Variants in HS6ST3 observed in about 807,000 individuals in gnomAD.
HS6ST3 encodes the protein heparan sulfate 6-O-sulfotransferase 3.
Under a neutral mutation model 36.7 loss-of-function variants are expected in HS6ST3, and 12 were observed. The observed-to-expected ratio is 0.33, with a 90% CI of 0.21 to 0.53. HS6ST3 has a LOEUF of 0.53. HS6ST3 is among the 20% of genes least tolerant of loss of function. The pLI is 0.95. For missense variants in HS6ST3, 584 were observed against 640.9 expected (o/e 0.91, Z 0.96); for synonymous variants, 240 against 257.5 (o/e 0.93, Z 0.65).
intron 1 of HS6ST3, among the ~76,000 whole-genome samples, chr13:96,826,875 T>A (rs912190965): frequency 6.6e-6 from 1 of 152,188 alleles, no homozygotes; most frequent in Admixed American, 6.5e-5. Context: ...TTAACCTCAT[T>A]CCCTAATCTT....
At chr13:96,346,572 CA>C (rs144388304) in intron 1 of HS6ST3, among the ~76,000 whole-genome samples, 2,090 of 132,856 alleles carry the variant, frequency 0.016, 38 homozygotes, top group African/African-American at 0.043. Flanking sequence ...GACTCCGTCT[CA>C]AAAAAAAAAT....
intron 1 of HS6ST3, among the ~76,000 whole-genome samples, chr13:96,508,887 T>C (rs1258603127): frequency 2.0e-5 from 3 of 152,160 alleles, no homozygotes; most frequent in Admixed American, 6.6e-5. Flanking sequence ...TTTGAGAAGA[T>C]ACCTAGTAGT....
intron 1 of HS6ST3, among the ~76,000 whole-genome samples, chr13:96,645,325 A>G (rs1480978689): frequency 1.3e-5 from 2 of 151,882 alleles, no homozygotes; most frequent in African/African-American, 4.8e-5. Flanking sequence ...TTTTAGCCAC[A>G]TAGACCTGTT....
intron 1 of HS6ST3, among the ~76,000 whole-genome samples, chr13:96,803,139 C>A (rs548678180): frequency 6.6e-6 from 1 of 152,210 alleles, no homozygotes; most frequent in South Asian, 2.1e-4. Context: ...CAATTAATAG[C>A]ACCATTACCT....
At chr13:96,288,935 G>T (rs2054816646) in intron 1 of HS6ST3, among the ~76,000 whole-genome samples, 1 of 151,924 alleles carries the variant, frequency 6.6e-6, no homozygotes, top group East Asian at 1.9e-4. Flanking sequence ...GCTAAAAATG[G>T]CTAGAATTGA....
intron 1 of HS6ST3, among the ~76,000 whole-genome samples, chr13:96,162,887 G>A (rs2054142425): frequency 6.6e-6 from 1 of 152,116 alleles, no homozygotes; most frequent in Non-Finnish European, 1.5e-5. Flanking sequence ...CTTGTAAACA[G>A]TAATGTGGTT....
chr13:96,656,361 C>A (rs1422273291), intron 1 of HS6ST3, among the ~76,000 whole-genome samples: 1 of 152,132 alleles, frequency 6.6e-6, no homozygotes, highest in Non-Finnish European at 1.5e-5. Context: ...ATGTCACATA[C>A]CCTTTTTTCC....
At chr13:96,519,957 C>T (rs2056086800) in intron 1 of HS6ST3, among the ~76,000 whole-genome samples, 1 of 152,194 alleles carries the variant, frequency 6.6e-6, no homozygotes, top group Non-Finnish European at 1.5e-5. Context: ...TTTCTTTCCT[C>T]TGTGTCTCTA....
At chr13:96,820,671 C>T (rs953638846) in intron 1 of HS6ST3, among the ~76,000 whole-genome samples, 2 of 152,342 alleles carry the variant, frequency 1.3e-5, no homozygotes, top group Admixed American at 6.5e-5. Flanking sequence ...GTGGGTTTAA[C>T]GTTGGAACTC....
rs180732724 is a variant in HS6ST3 at position 96,341,950 on chromosome 13, G to A, written c.707+250381G>A. On this transcript the variant is annotated intron_variant, in intron 1 of 1. Coordinates refer to ENST00000376705, the MANE Select transcript of HS6ST3 (RefSeq NM_153456.4). ...TTTACATATTTAGCAGTGATTTTAA[G>A]TGTACATATCTTCAGTGGATGGAGT... Among the ~76,000 whole-genome samples, 405 of 152,146 alleles carry A rather than the reference G, an allele frequency of 2.7e-3. 2 individuals carry two copies. Among genetic ancestry groups the A allele is most frequent in the African/African-American group, 9.2e-3 (381 of 41,530 alleles).
intron 1 of HS6ST3, among the ~76,000 whole-genome samples, chr13:96,832,027 A>G (rs1236900410): frequency 1.4e-5 from 2 of 148,052 alleles, no homozygotes; most frequent in Non-Finnish European, 3.0e-5. Flanking sequence ...TTCTAGTCCC[A>G]TGTCCTTGGA....
At chr13:96,227,708 A>G (rs2054487635) in intron 1 of HS6ST3, among the ~76,000 whole-genome samples, 1 of 152,220 alleles carries the variant, frequency 6.6e-6, no homozygotes, top group African/African-American at 2.4e-5. Context: ...ATGGGTTTCA[A>G]CTGCTGGAAA....
chr13:96,175,536 CT>C (rs1485791838), intron 1 of HS6ST3, among the ~76,000 whole-genome samples: 2 of 150,258 alleles, frequency 1.3e-5, no homozygotes, highest in South Asian at 2.1e-4. Flanking sequence ...TTTTTTTGTT[CT>C]TTTTTTTCCC....
chr13:96,259,940 T>C (rs1430896180), intron 1 of HS6ST3, among the ~76,000 whole-genome samples: 1 of 152,200 alleles, frequency 6.6e-6, no homozygotes, highest in Non-Finnish European at 1.5e-5. Context: ...TTTGGGTATG[T>C]AGCAATATTT....
intron 1 of HS6ST3, among the ~76,000 whole-genome samples, chr13:96,652,013 G>T (rs564747644): frequency 2.0e-4 from 31 of 152,012 alleles, no homozygotes; most frequent in African/African-American, 7.5e-4. Flanking sequence ...CTGATATATA[G>T]TCTCAGGCAT....
chr13:96,171,082 G>A (rs2054185398), intron 1 of HS6ST3, among the ~76,000 whole-genome samples: 1 of 152,164 alleles, frequency 6.6e-6, no homozygotes, highest in Non-Finnish European at 1.5e-5. Flanking sequence ...AAATGTTGAA[G>A]CTATATTTTT....
intron 1 of HS6ST3, among the ~76,000 whole-genome samples, chr13:96,310,318 A>G (rs1212630571): frequency 3.9e-5 from 6 of 152,208 alleles, no homozygotes; most frequent in Admixed American, 3.3e-4. Flanking sequence ...CATTATTGAA[A>G]TGAAATTTAT....
intron 1 of HS6ST3, among the ~76,000 whole-genome samples, chr13:96,657,726 C>A (rs1033796992): frequency 6.6e-6 from 1 of 152,090 alleles, no homozygotes; most frequent in Admixed American, 6.5e-5. Flanking sequence ...TCCTACGGAA[C>A]CTTACATGGC....
At chr13:96,424,398 T>C (rs1041034284) in intron 1 of HS6ST3, among the ~76,000 whole-genome samples, 1 of 152,204 alleles carries the variant, frequency 6.6e-6, no homozygotes, top group African/African-American at 2.4e-5. Flanking sequence ...ATTATACACA[T>C]TAAATGGGCA....
Sources: allele counts gnomAD v4.1 joint callset (sites outside exome capture counted in the v4.1 genomes callset), GRCh38; gene constraint gnomAD v4.1.1; transcripts MANE v1.5; gene names NCBI Gene and HGNC (gene_info 2026-07-23, HGNC 2026-07-21).